STXBP4: variants seen among roughly 807,000 people sequenced by gnomAD.
The protein encoded by STXBP4 is syntaxin binding protein 4, also known as syntaxin-binding protein 4.
In STXBP4, 55 loss-of-function variants were observed where a neutral mutation model predicts 76.1. The ratio of observed to expected loss-of-function variants is 0.72; its 90% confidence interval spans 0.58 to 0.91. STXBP4 has a LOEUF of 0.91. Ranked by LOEUF, STXBP4 falls within the 40% of genes least tolerant of loss-of-function variation. The pLI, the probability that STXBP4 is intolerant of heterozygous loss-of-function variation, is 0.00. For synonymous variants in STXBP4, 201 were observed against 220.2 expected (o/e 0.91, Z 0.77); for missense variants, 618 against 636.9 (o/e 0.97, Z 0.32).
chr17:55,073,134 C>A, intron 13 of STXBP4, 58 bp downstream of exon 13: 5 of 1,530,096 alleles, frequency 3.3e-6, no homozygotes, highest in Non-Finnish European at 3.6e-6. Flanking sequence ...TGTCATGTAT[C>A]CTGTTTTCAT....
At chr17:55,185,326 T>TCTC in the STXBP4 span, among the ~76,000 whole-genome samples, 4 of 74,720 alleles carry the variant, frequency 5.4e-5, no homozygotes, top group Admixed American at 2.6e-4. Context: ...TCCTTCTCCT[T>TCTC]CTCCTCCTCC....
chr17:55,007,422 G>C, intron 7 of STXBP4, 84 bp from the exon 8 acceptor site: 2 of 915,656 alleles, frequency 2.2e-6, no homozygotes, highest in Non-Finnish European at 3.5e-6. Flanking sequence ...TTTTTGAACA[G>C]CAGGAACTCA....
intron 12 of STXBP4, among the ~76,000 whole-genome samples, chr17:55,069,216 A>G (rs1368018105): frequency 6.6e-6 from 1 of 150,718 alleles, no homozygotes; most frequent in Non-Finnish European, 1.5e-5. Context: ...CCCTTCTAGT[A>G]TGTTTGCTCA....
chr17:55,091,037 A>G (rs1349015893), intron 16 of STXBP4, among the ~76,000 whole-genome samples: 1 of 152,198 alleles, frequency 6.6e-6, no homozygotes, highest in Non-Finnish European at 1.5e-5. Context: ...AAGAGGCCCT[A>G]AATGATGCCT....
intron 16 of STXBP4, among the ~76,000 whole-genome samples, chr17:55,115,826 A>T (rs964823292): frequency 2.0e-5 from 3 of 151,878 alleles, no homozygotes; most frequent in Non-Finnish European, 1.5e-5. Flanking sequence ...CAGCAATGTC[A>T]TCCTCCAGCA....
chr17:55,043,577 G>T, intron 11 of STXBP4: 1 of 1,526,692 alleles, frequency 6.6e-7, no homozygotes, highest in Non-Finnish European at 8.9e-7. Flanking sequence ...CTTCTGTTGA[G>T]GTTTCTTCTT....
At chr17:55,091,662 A>G (rs959471606) in intron 16 of STXBP4, among the ~76,000 whole-genome samples, 1 of 152,210 alleles carries the variant, frequency 6.6e-6, no homozygotes, top group Admixed American at 6.5e-5. Flanking sequence ...CTGAGCAAGC[A>G]TGATGGTGAT....
In STXBP4 at chr17:55,160,728, A is replaced by G. The variant is rs1480160557; in HGVS notation, c.*817A>G. On this transcript the variant is annotated 3_prime_UTR_variant, in exon 18 of 18. Coordinates refer to ENST00000376352, the MANE Select transcript of STXBP4 (RefSeq NM_178509.6). ...ACAGCTGTGCATTCCACAGAGATTC[A>G]GAAGGCACCTCTTCGGTCAAACATG... The G allele has an allele frequency of 6.6e-6, 1 of 152,430 alleles. No individual in the cohort carries two copies. Among genetic ancestry groups the G allele is most frequent in the African/African-American group, 2.4e-5 (1 of 41,450 alleles). 9.4% of individuals were successfully genotyped at this position (152,430 alleles called of 1,614,324 possible). A position where few individuals can be genotyped will look rare whatever the true frequency, so the allele number is the denominator to read the frequency against.
chr17:55,006,582 T>G (rs550964530), intron 7 of STXBP4, among the ~76,000 whole-genome samples: 1 of 152,334 alleles, frequency 6.6e-6, no homozygotes, highest in African/African-American at 2.4e-5. Flanking sequence ...GCATCTTTTT[T>G]ATTCATGCAC....
At chr17:55,105,660 A>G (rs1306866858) in intron 16 of STXBP4, among the ~76,000 whole-genome samples, 3 of 148,462 alleles carry the variant, frequency 2.0e-5, no homozygotes, top group Non-Finnish European at 4.5e-5. Context: ...TTGTATTTTT[A>G]GTAGAGACGG....
At chr17:55,079,868 A>T (rs1488617840) in intron 15 of STXBP4, among the ~76,000 whole-genome samples, 1 of 152,154 alleles carries the variant, frequency 6.6e-6, no homozygotes, top group Non-Finnish European at 1.5e-5. Flanking sequence ...TTTTTAATTT[A>T]GAAGAATATT....
intron 16 of STXBP4, among the ~76,000 whole-genome samples, chr17:55,113,772 T>C (rs550443212): frequency 6.6e-6 from 1 of 152,276 alleles, no homozygotes; most frequent in African/African-American, 2.4e-5. Flanking sequence ...TTAGTCCTTT[T>C]CTAACTTGCT....
At chr17:55,108,373 C>A (rs890657163) in intron 16 of STXBP4, among the ~76,000 whole-genome samples, 2 of 152,292 alleles carry the variant, frequency 1.3e-5, no homozygotes, top group East Asian at 3.9e-4. Context: ...CTGAGCTAGA[C>A]CCCTTGGCTC....
At chr17:55,208,284 G>GT in the STXBP4 span, among the ~76,000 whole-genome samples, 3 of 152,034 alleles carry the variant, frequency 2.0e-5, no homozygotes, top group South Asian at 2.1e-4. Flanking sequence ...GAGAAACAGT[G>GT]TTGTTGACTT....
At chr17:55,128,340 T>C (rs748987979) in intron 16 of STXBP4, among the ~76,000 whole-genome samples, 43 of 150,494 alleles carry the variant, frequency 2.9e-4, no homozygotes, top group Admixed American at 6.6e-4. Flanking sequence ...CTGCTGAGAG[T>C]GTTCAGGAAG....
At chr17:55,040,075 A>T (rs999547834) in intron 10 of STXBP4, among the ~76,000 whole-genome samples, 1 of 152,164 alleles carries the variant, frequency 6.6e-6, no homozygotes, top group East Asian at 1.9e-4. Flanking sequence ...AGGAGTAGAC[A>T]TGAAAGTAAC....
chr17:55,139,878 A>G (rs1053051111), intron 16 of STXBP4, among the ~76,000 whole-genome samples: 2 of 152,210 alleles, frequency 1.3e-5, no homozygotes, highest in African/African-American at 4.8e-5. Flanking sequence ...TTGTGGTAAA[A>G]GACTGGAAAT....
At chr17:55,014,955 C>T (rs1367902764) in intron 8 of STXBP4, among the ~76,000 whole-genome samples, 5 of 151,856 alleles carry the variant, frequency 3.3e-5, no homozygotes, top group Admixed American at 1.3e-4. Flanking sequence ...GCCTGCTCCT[C>T]CTGATTTCTA....
intron 16 of STXBP4, among the ~76,000 whole-genome samples, chr17:55,115,033 G>A (rs2079765387): frequency 6.6e-6 from 1 of 151,946 alleles, no homozygotes; most frequent in Non-Finnish European, 1.5e-5. Flanking sequence ...ATATTGTAAT[G>A]TAAGTTGTTA....
Sources: allele counts gnomAD v4.1 joint callset (sites outside exome capture counted in the v4.1 genomes callset), GRCh38; gene constraint gnomAD v4.1.1; transcripts MANE v1.5; gene names NCBI Gene and HGNC (gene_info 2026-07-23, HGNC 2026-07-21).